ZNF236: variants seen among roughly 807,000 people sequenced by gnomAD.
The protein encoded by ZNF236 is regulated by glucose.
ZNF236 carries 50 observed loss-of-function variants against 191.2 expected under a neutral mutation model. That is an observed-to-expected ratio of 0.26 (90% CI 0.21 to 0.33). The LOEUF is 0.33. Ranked by LOEUF, ZNF236 falls within the 10% of genes least tolerant of loss-of-function variation. The pLI, the probability that ZNF236 is intolerant of heterozygous loss-of-function variation, is 1.00. For missense variants in ZNF236, 1,754 were observed against 2,374.5 expected, an observed-to-expected ratio of 0.74 and a Z score of 5.43; for synonymous variants, 907 against 928.8, an observed-to-expected ratio of 0.98 and a Z score of 0.43.
At chr18:76,903,206 A>G (rs1427226930) in intron 11 of ZNF236, among the ~76,000 whole-genome samples, 1 of 152,210 alleles carries the variant, frequency 6.6e-6, no homozygotes, top group Non-Finnish European at 1.5e-5. Context: ...CAGCTTTGTA[A>G]TTGTTTCACT....
chr18:76,927,080 T>C lies in ZNF236; in HGVS notation c.4071T>C (p.Ala1357=). The change falls in exon 23 of 31, where the codon GCT becomes GCC. Residue 1357 remains alanine, a synonymous_variant. Transcript: ENST00000320610. The surrounding 1 kb of genome is among the most constrained non-coding windows in gnomAD (Gnocchi z 5.4). ...TGTCTCTGACAGATGGGAGCCTGGC[T>C]ACCCTAGAAGGCATCCAGTTACAGT... is the stretch of plus-strand genomic sequence containing the variant. ...LTVSLTDGSL[A]TLEGIQLQLA... 6.2e-7 allele frequency: 1 copy of C among 1,613,850 alleles called. No homozygotes were observed. Among genetic ancestry groups the C allele is most frequent in the Non-Finnish European group, 8.5e-7 (1 of 1,179,834 alleles).
At chr18:76,890,649 A>G (rs1977202405) in intron 9 of ZNF236, among the ~76,000 whole-genome samples, 2 of 152,156 alleles carry the variant, frequency 1.3e-5, no homozygotes, top group Non-Finnish European at 2.9e-5. Context: ...ATGGTGTCTT[A>G]TTGTACGTTT....
Position 76,905,403 on chromosome 18 carries a change from T to C in ZNF236, c.2285T>C (p.Met762Thr). 1.2e-6 allele frequency: 2 copies of C among 1,613,980 alleles called. No homozygotes were observed. Residue 762 changes from methionine (M) to threonine (T), a missense_variant, in exon 13 of 31, where the codon ATG becomes ACG. Coordinates refer to ENST00000320610, the MANE Select transcript of ZNF236 (RefSeq NM_001306089.2). ...ACTTCACTAAATTGCAAAAAGCACA[T>C]GAAAACCCACAGGTGGGTGTAATTC... ...FKTSLNCKKHMKTHRYELAQQ... is the reference protein window; with the variant it reads ...FKTSLNCKKHTKTHRYELAQQ...
chr18:76,912,150 G>C lies in ZNF236; in HGVS notation c.2806-94G>C, dbSNP rs1967232917. 5 of 880,914 alleles carry C rather than the reference G, an allele frequency of 5.7e-6. No homozygotes were observed. In the Admixed American group the frequency reaches 1.3e-4, roughly 23 times the overall value. The allele number at this position is 880,914 out of a possible 1,614,324, so 54.6% of individuals were successfully genotyped here. A position where few individuals can be genotyped will look rare whatever the true frequency, so the allele number is the denominator to read the frequency against. ...TCTCTCTCTTAGATCCACATTTTAT[G>C]AATGTTCTTATCCTTAGTTCTTAGC... is the stretch of plus-strand genomic sequence containing the variant. On this transcript the variant is annotated intron_variant, in intron 16 of 30. Transcript: ENST00000320610.
At chr18:76,825,230 A>G (rs576088825) in intron 1 of ZNF236, among the ~76,000 whole-genome samples, 178 of 152,246 alleles carry the variant, frequency 1.2e-3, no homozygotes, top group Non-Finnish European at 4.8e-4. Flanking sequence ...AAACCTGCTT[A>G]AAAGTTACCT....
intron 10 of ZNF236, among the ~76,000 whole-genome samples, chr18:76,895,608 G>A (rs1220590165): frequency 6.7e-6 from 1 of 149,008 alleles, no homozygotes; most frequent in Non-Finnish European, 1.5e-5. Context: ...CTGCACACAG[G>A]TACTGCACAC....
intron 3 of ZNF236, 148 bp downstream of exon 3, chr18:76,852,087 C>T (rs1316423114): frequency 2.6e-6 from 2 of 757,012 alleles, no homozygotes; most frequent in East Asian, 2.8e-5. Context: ...TGCCTTGACA[C>T]CAGTTGACTG....
At position 76,968,584 on chromosome 18, in the gene ZNF236, T is replaced by G; in HGVS notation, c.*245T>G. 7.9e-7 allele frequency: 1 copy of G among 1,259,826 alleles called. No individual in the cohort carries two copies. Among genetic ancestry groups the G allele is most frequent in the South Asian group, 2.0e-5 (1 of 49,510 alleles). 78.0% of individuals were successfully genotyped at this position (1,259,826 alleles called of 1,614,324 possible). ...AACTCAGGTACTACTGTAGGCAGTT[T>G]CCTCCTCAGTCTCCTCCGTGGCTAG... On this transcript the variant is annotated 3_prime_UTR_variant, in exon 31 of 31. Coordinates refer to ENST00000320610, the MANE Select transcript of ZNF236 (RefSeq NM_001306089.2).
intron 28 of ZNF236, among the ~76,000 whole-genome samples, chr18:76,958,101 G>A (rs766159852): frequency 1.3e-5 from 2 of 152,186 alleles, no homozygotes; most frequent in African/African-American, 4.8e-5. Context: ...ACCAACTTCA[G>A]GGCACAACAC....
intron 2 of ZNF236, 95 bp downstream of exon 2, chr18:76,849,763 T>A: frequency 1.2e-5 from 14 of 1,152,486 alleles, no homozygotes; most frequent in South Asian, 6.7e-5. Flanking sequence ...TAATTTAGGT[T>A]CCTAAATAGT....
chr18:76,909,213 G>A (rs984636363), intron 14 of ZNF236, among the ~76,000 whole-genome samples: 21 of 151,568 alleles, frequency 1.4e-4, no homozygotes, highest in Admixed American at 1.3e-3. Context: ...TACATAGGAG[G>A]CTGAGGCAGG....
chr18:76,963,029 A>C (rs1369781448), intron 30 of ZNF236, among the ~76,000 whole-genome samples: 2 of 152,150 alleles, frequency 1.3e-5, no homozygotes, highest in Non-Finnish European at 1.5e-5. Flanking sequence ...AAACAGTGAT[A>C]GTTTGACTTC....
At chr18:76,935,902 C>G in intron 25 of ZNF236, 1 of 453,166 alleles carries the variant, frequency 2.2e-6, no homozygotes, top group South Asian at 1.6e-5. Context: ...AGGGTCTGAC[C>G]TAGCTATCTG....
chr18:76,877,228 G>A (rs1976741270), intron 6 of ZNF236, among the ~76,000 whole-genome samples: 2 of 152,106 alleles, frequency 1.3e-5, no homozygotes, highest in Admixed American at 6.5e-5. Flanking sequence ...TAGTTGTTAG[G>A]CCAGGTGTGG....
intron 9 of ZNF236, among the ~76,000 whole-genome samples, chr18:76,884,526 A>G (rs1046408615): frequency 2.0e-5 from 3 of 152,148 alleles, no homozygotes; most frequent in African/African-American, 7.2e-5. Flanking sequence ...TAGTGAAACT[A>G]TTGTGTGTGG....
intron 11 of ZNF236, among the ~76,000 whole-genome samples, chr18:76,902,679 C>A (rs1977630348): frequency 6.6e-6 from 1 of 152,156 alleles, no homozygotes; most frequent in South Asian, 2.1e-4. Context: ...TCAAGCGATT[C>A]TCCTGCCTCA....
At chr18:76,848,278 C>T (rs80298606) in intron 1 of ZNF236, among the ~76,000 whole-genome samples, 4,274 of 152,300 alleles carry the variant, frequency 0.028, 88 homozygotes, top group Non-Finnish European at 0.042. Flanking sequence ...CTTGGTTCTT[C>T]AGCTTACCCT....
intron 1 of ZNF236, chr18:76,840,845 G>A (rs1373747563): frequency 7.3e-6 from 1 of 137,148 alleles, no homozygotes; most frequent in Non-Finnish European, 1.5e-5. Flanking sequence ...TTTTGAGATA[G>A]AGTCTCGCTC....
At chr18:76,935,764 TAGG>T (rs1307289528) in intron 25 of ZNF236, among the ~76,000 whole-genome samples, 1 of 152,342 alleles carries the variant, frequency 6.6e-6, no homozygotes, top group South Asian at 2.1e-4. Context: ...GAGGGAATTT[TAGG>T]AGGACAGCTA....
Sources: gnomAD v4.1 joint callset for allele counts (sites outside exome capture counted in the v4.1 genomes callset) on GRCh38, gnomAD v4.1.1 for gene constraint, Gnocchi (gnomAD v3.1) non-coding constraint, MANE v1.5 for transcripts, NCBI Gene and HGNC (gene_info 2026-07-23, HGNC 2026-07-21) for gene names.